SFRP2: variants seen among roughly 807,000 people sequenced by gnomAD.
The protein encoded by SFRP2 is secreted frizzled-related protein 2.
In SFRP2, 16 loss-of-function variants were observed where a neutral mutation model predicts 26.0. That is an observed-to-expected ratio of 0.61 (90% confidence interval 0.42 to 0.93). SFRP2 has a LOEUF of 0.93. Ranked by LOEUF, SFRP2 falls within the 40% of genes least tolerant of loss-of-function variation. The probability of loss-of-function intolerance (pLI) is 0.00; values close to 1 mark genes in which losing one functional copy is unlikely to be tolerated. For synonymous variants in SFRP2, 173 were observed against 167.3 expected (o/e 1.03, Z -0.26); for missense variants, 343 against 392.4 (o/e 0.87, Z 1.06).
chr4:153,788,326 AGGCTTACCTTCCTCGGTGGCTGGCAG>A lies in SFRP2; in HGVS notation c.484_502+7del. The A allele has an allele frequency of 6.2e-7, 1 of 1,606,782 alleles. No homozygotes were observed. ...GCAGGGAGTGGGGAAGCAAGAGGGA[AGGCTTACCTTCCTCGGTGGCTGGCAG>A]GAGGTGGTCGCTGCTAGCGAGGGGG... is the stretch of plus-strand genomic sequence containing the variant. On this transcript the variant is annotated splice_donor_variant and splice_donor_5th_base_variant and coding_sequence_variant and intron_variant, in exon 1 of 3. Coordinates refer to ENST00000274063, the MANE Select transcript of SFRP2 (RefSeq NM_003013.3). LOFTEE classifies it high-confidence loss of function.
chr4:153,787,940 A>C (rs1354324167), intron 1 of SFRP2, among the ~76,000 whole-genome samples: 1 of 152,236 alleles, frequency 6.6e-6, no homozygotes, highest in East Asian at 1.9e-4. Flanking sequence ...AATGCTCACC[A>C]CAAACTCCTC....
intron 2 of SFRP2, among the ~76,000 whole-genome samples, chr4:153,783,158 C>T (rs1342484955): frequency 2.0e-5 from 3 of 152,044 alleles, no homozygotes; most frequent in Non-Finnish European, 4.4e-5. Flanking sequence ...GTTTTTGAGA[C>T]TCAAGTCGTG....
intron 2 of SFRP2, among the ~76,000 whole-genome samples, chr4:153,782,073 G>A (rs1028995688): frequency 3.9e-5 from 6 of 152,176 alleles, no homozygotes; most frequent in Non-Finnish European, 8.8e-5. Flanking sequence ...GTTGCATGTG[G>A]TGTGTGCTCT....
At chr4:153,786,518 C>T (rs1193358465) in intron 1 of SFRP2, among the ~76,000 whole-genome samples, 1 of 152,148 alleles carries the variant, frequency 6.6e-6, no homozygotes, top group Non-Finnish European at 1.5e-5. Flanking sequence ...GCTAGCGTTC[C>T]ACATGTGGGC....
chr4:153,786,972 A>C (rs1415890801), intron 1 of SFRP2, among the ~76,000 whole-genome samples: 2 of 152,186 alleles, frequency 1.3e-5, no homozygotes, highest in Non-Finnish European at 2.9e-5. Context: ...TTTAATGTTC[A>C]TAGAAAACTA....
chr4:153,788,989 G>C lies in SFRP2; in HGVS notation c.-154C>G. 1.2e-6 allele frequency: 1 copy of C among 860,990 alleles called. No homozygotes were observed. The highest frequency in any genetic ancestry group is 1.6e-6 in the Non-Finnish European group (1 of 606,690). 53.3% of individuals were successfully genotyped at this position (860,990 alleles called of 1,614,324 possible). On this transcript the variant is annotated 5_prime_UTR_variant, in exon 1 of 3. Transcript: ENST00000274063. ...CGGCGGCTGGGGCGCGGAGAAGCGG[G>C]ACACCGGGAGGACAGCGCGGGCGAG...
rs1392207215 is a variant in SFRP2, at chr4:153,788,949, C to G, written c.-114G>C. Reference sequence around the variant, plus strand: ...CTTCGCTGGGTGCGACTCGGGGCCCCGAAAAGCTGGCAGCCGGCGGCTGGG... The same window carrying G: ...CTTCGCTGGGTGCGACTCGGGGCCCGGAAAAGCTGGCAGCCGGCGGCTGGG... On this transcript the variant is annotated 5_prime_UTR_variant, in exon 1 of 3. Transcript: ENST00000274063. The G allele has an allele frequency of 7.7e-7, 1 of 1,302,090 alleles. No homozygotes were observed. The highest frequency in any genetic ancestry group is 1.6e-5 in the African/African-American group (1 of 64,126). The allele number at this position is 1,302,090 out of a possible 1,614,324, so 80.7% of individuals were successfully genotyped here. A position where few individuals can be genotyped will look rare whatever the true frequency, so the allele number is the denominator to read the frequency against.
chr4:153,785,770 T>C, intron 2 of SFRP2, 94 bp downstream of exon 2: 1 of 792,070 alleles, frequency 1.3e-6, no homozygotes, highest in Non-Finnish European at 2.0e-6. Context: ...ACCCAACCTT[T>C]ATCTAGCAAC....
intron 1 of SFRP2, 128 bp from the exon 2 acceptor site, chr4:153,786,072 C>G (rs751247861): frequency 1.2e-5 from 6 of 508,824 alleles, no homozygotes; most frequent in Non-Finnish European, 2.0e-5. Flanking sequence ...CAGCTTCTGC[C>G]TCCTCTATAA....
rs1360091359 is a variant in SFRP2, at chr4:153,781,069, A to G, written c.*382T>C. On this transcript the variant is annotated 3_prime_UTR_variant, in exon 3 of 3. Transcript: ENST00000274063. Reference sequence around the variant, plus strand: ...TTGAAGCAATTTGCATGTTATGACAACCTCAGTGGGAAGTGAAAATCAGCT... The same window carrying G: ...TTGAAGCAATTTGCATGTTATGACAGCCTCAGTGGGAAGTGAAAATCAGCT... 1 of 191,700 alleles carries G rather than the reference A, an allele frequency of 5.2e-6. No individual in the cohort carries two copies. The highest frequency in any genetic ancestry group is 1.1e-5 in the Non-Finnish European group (1 of 93,242). The allele number at this position is 191,700 out of a possible 1,614,324, so 11.9% of individuals were successfully genotyped here.
rs1211825906 is a variant in SFRP2, at chr4:153,788,721, T to C, written c.115A>G (p.Asn39Asp). The C allele has an allele frequency of 5.0e-6, 8 of 1,613,716 alleles. No homozygotes were observed. The highest frequency in any genetic ancestry group is 6.8e-6 in the Non-Finnish European group (8 of 1,180,034). ...GQPDFSYKRS[N>D]CKPIPANLQL... ...AGGTTGGCAGGGATGGGCTTGCAAT[T>C]GCTGCGCTTGTAGGAGAAGTCGGGC... The change falls in exon 1 of 3, where the codon AAT (asparagine) becomes GAT (aspartate). Residue 39 changes from asparagine to aspartate, a missense_variant. Asn to Asp is a conservative substitution (Grantham distance 23). Around this residue, in one of 2 missense-constraint regions of SFRP2, gnomAD observed 251 missense variants for 253.3 expected, o/e 0.99. Coordinates refer to ENST00000274063, the MANE Select transcript of SFRP2 (RefSeq NM_003013.3).
At chr4:153,785,176 CTA>C (rs752365292) in intron 2 of SFRP2, among the ~76,000 whole-genome samples, 8 of 151,856 alleles carry the variant, frequency 5.3e-5, no homozygotes, top group Non-Finnish European at 8.8e-5. Context: ...CTTTTTAAAA[CTA>C]TTTTCGAAAC....
intron 1 of SFRP2, among the ~76,000 whole-genome samples, chr4:153,786,687 G>T (rs1346913080): frequency 6.6e-6 from 1 of 152,042 alleles, no homozygotes; most frequent in African/African-American, 2.4e-5. Context: ...GCCCTTCTGT[G>T]CCTGTTTCAA....
rs1399951795 is a variant in SFRP2 at position 153,781,546 on chromosome 4, CCT to C, written c.791_792del (p.Gln264ArgfsTer37). On this transcript the variant is annotated frameshift_variant, in exon 3 of 3. Transcript: ENST00000274063. LOFTEE classifies it high-confidence loss of function. The part of the protein sequence containing the change: ...NAPYLVMGQK[Q>X]GGELVITSVK... Reference sequence around the variant, plus strand: ...ACCGAGGTGATCACCAGCTCCCCACCCTGTTTCTGTCCCATGACCAGATAGGG... The same window carrying C: ...ACCGAGGTGATCACCAGCTCCCCACCGTTTCTGTCCCATGACCAGATAGGG... The C allele has an allele frequency of 1.3e-5, 21 of 1,614,190 alleles. No individual in the cohort carries two copies. The highest frequency in any genetic ancestry group is 1.8e-5 in the Non-Finnish European group (21 of 1,180,024).
chr4:153,782,559 C>G (rs1281135646), intron 2 of SFRP2, among the ~76,000 whole-genome samples: 1 of 152,198 alleles, frequency 6.6e-6, no homozygotes, highest in Non-Finnish European at 1.5e-5. Context: ...GAAAGCCCTA[C>G]AAACGTGTAT....
Position 153,781,577 on chromosome 4 carries a change from G to A in SFRP2, c.762C>T (p.Asn254=), listed in dbSNP as rs995413065. The part of the protein sequence containing the change: ...QCTCEEMNDI[N]APYLVMGQKQ... ...TCTGTCCCATGACCAGATAGGGCGC[G>A]TTGATGTCGTTCATCTCCTCACAGG... The change falls in exon 3 of 3, where the codon AAC becomes AAT. Residue 254 remains asparagine (N), a synonymous_variant. Coordinates refer to ENST00000274063, the MANE Select transcript of SFRP2 (RefSeq NM_003013.3). 3.1e-6 allele frequency: 5 copies of A among 1,614,038 alleles called. No individual in the cohort carries two copies. The highest frequency in any genetic ancestry group is 1.3e-5 in the African/African-American group (1 of 74,910).
rs918827947 is a variant in SFRP2 at position 153,780,608 on chromosome 4, A to T, written c.*843T>A. On this transcript the variant is annotated 3_prime_UTR_variant, in exon 3 of 3. Transcript: ENST00000274063. ...ACAAAGAATAGGTAAAACAGGATGT[A>T]AAGTTTATATACAAGAATATAATGT... 4 of 152,682 alleles carry T rather than the reference A, an allele frequency of 2.6e-5. No individual in the cohort carries two copies. The highest frequency in any genetic ancestry group is 7.2e-5 in the African/African-American group (3 of 41,468). 9.5% of individuals were successfully genotyped at this position (152,682 alleles called of 1,614,324 possible). A position where few individuals can be genotyped will look rare whatever the true frequency, so the allele number is the denominator to read the frequency against.
chr4:153,783,992 C>T (rs1420803946), intron 2 of SFRP2, among the ~76,000 whole-genome samples: 1 of 152,154 alleles, frequency 6.6e-6, no homozygotes, highest in African/African-American at 2.4e-5. Context: ...CACACTAAGG[C>T]ACACAGGCAT....
In SFRP2 at chr4:153,780,802, T is replaced by C. The variant is rs928065286; in HGVS notation, c.*649A>G. On this transcript the variant is annotated 3_prime_UTR_variant, in exon 3 of 3. Coordinates refer to ENST00000274063, the MANE Select transcript of SFRP2 (RefSeq NM_003013.3). Reference sequence around the variant, plus strand: ...TCAAGTCAATTATAAAATTTATATCTTTTGCCTTTTACTTGAAGAAATCAT... The same window carrying C: ...TCAAGTCAATTATAAAATTTATATCCTTTGCCTTTTACTTGAAGAAATCAT... 2 of 150,860 alleles carry C rather than the reference T, an allele frequency of 1.3e-5. No homozygotes were observed. Among genetic ancestry groups the C allele is most frequent in the Non-Finnish European group, 2.9e-5 (2 of 68,048 alleles). 9.3% of individuals were successfully genotyped at this position (150,860 alleles called of 1,614,324 possible).
Sources: gnomAD v4.1 joint callset for allele counts (sites outside exome capture counted in the v4.1 genomes callset) on GRCh38, gnomAD v4.1.1 for gene constraint, gnomAD v4.1.1 regional missense constraint, MANE v1.5 for transcripts, NCBI Gene and HGNC (gene_info 2026-07-23, HGNC 2026-07-21) for gene names.